Variants in KHDRBS2 observed in about 807,000 individuals in gnomAD.
The protein encoded by KHDRBS2 is KH domain-containing, RNA-binding, signal transduction-associated protein 2.
KHDRBS2 carries 26 observed loss-of-function variants against 44.3 expected under a neutral mutation model. The observed-to-expected ratio is 0.59, with a 90% CI of 0.43 to 0.81. The LOEUF (loss-of-function observed/expected upper bound fraction) is 0.81. Ranked by LOEUF, KHDRBS2 falls within the 40% of genes least tolerant of loss-of-function variation. The probability of loss-of-function intolerance (pLI) is 0.00; values close to 1 mark genes in which losing one functional copy is unlikely to be tolerated. For missense variants in KHDRBS2, 476 were observed against 433.1 expected, an observed-to-expected ratio of 1.10 and a Z score of -0.88; for synonymous variants, 194 against 151.1, an observed-to-expected ratio of 1.28 and a Z score of -2.08.
chr6:62,193,823 A>T (rs750161084), intron 1 of KHDRBS2, among the ~76,000 whole-genome samples: 1 of 152,144 alleles, frequency 6.6e-6, no homozygotes, highest in Non-Finnish European at 1.5e-5. Flanking sequence ...TTTCTTTAAT[A>T]ACCAATGAAG....
At chr6:62,141,876 A>C (rs185564388) in intron 2 of KHDRBS2, among the ~76,000 whole-genome samples, 1 of 152,094 alleles carries the variant, frequency 6.6e-6, no homozygotes, top group Non-Finnish European at 1.5e-5. Context: ...TATATCTAAA[A>C]CATATTATCT....
chr6:61,834,876 T>C (rs1456427015), intron 6 of KHDRBS2, among the ~76,000 whole-genome samples: 4 of 152,086 alleles, frequency 2.6e-5, no homozygotes, highest in South Asian at 2.1e-4. Context: ...AAATTTGGTG[T>C]CGTAAATTTC....
the KHDRBS2 span, among the ~76,000 whole-genome samples, chr6:61,624,303 G>T: frequency 6.6e-6 from 1 of 152,160 alleles, no homozygotes; most frequent in Non-Finnish European, 1.5e-5. Flanking sequence ...TGGCTCTGTG[G>T]CCACTTAACC....
chr6:61,774,526 G>A (rs1224821789), intron 6 of KHDRBS2, among the ~76,000 whole-genome samples: 1 of 151,960 alleles, frequency 6.6e-6, no homozygotes, highest in South Asian at 2.1e-4. Flanking sequence ...AGCCAAATCA[G>A]GAGTGAACTC....
intron 6 of KHDRBS2, among the ~76,000 whole-genome samples, chr6:61,874,757 C>G (rs1799172020): frequency 6.6e-6 from 1 of 152,036 alleles, no homozygotes; most frequent in African/African-American, 2.4e-5. Flanking sequence ...GGCACAATCC[C>G]CTCCTCTATA....
At chr6:61,668,786 T>C in the KHDRBS2 span, among the ~76,000 whole-genome samples, 1 of 151,046 alleles carries the variant, frequency 6.6e-6, no homozygotes, top group African/African-American at 2.4e-5. Context: ...TTCACTTTGG[T>C]ATCCTATTAC....
chr6:62,009,330 A>C (rs945385632), intron 3 of KHDRBS2, among the ~76,000 whole-genome samples: 52 of 152,334 alleles, frequency 3.4e-4, no homozygotes, highest in African/African-American at 1.2e-3. Context: ...AGAAATTTCT[A>C]ATCAGCAAAG....
At chr6:61,605,682 C>T in the KHDRBS2 span, among the ~76,000 whole-genome samples, 1 of 152,174 alleles carries the variant, frequency 6.6e-6, no homozygotes, top group Non-Finnish European at 1.5e-5. Context: ...ACTCTAGGTT[C>T]CCACACTGCC....
intron 6 of KHDRBS2, among the ~76,000 whole-genome samples, chr6:61,742,897 A>G (rs1776345062): frequency 1.3e-5 from 2 of 152,090 alleles, no homozygotes; most frequent in South Asian, 4.1e-4. Context: ...CTGCTAAACA[A>G]TTTTCCCTTA....
chr6:61,674,085 T>C, the KHDRBS2 span, among the ~76,000 whole-genome samples: 2 of 151,870 alleles, frequency 1.3e-5, no homozygotes, highest in African/African-American at 2.4e-5. Context: ...TTTTCTTAAA[T>C]GTGAAAATGG....
intron 2 of KHDRBS2, among the ~76,000 whole-genome samples, chr6:62,124,715 T>A (rs551755895): frequency 3.3e-5 from 5 of 152,144 alleles, no homozygotes; most frequent in Non-Finnish European, 7.4e-5. Flanking sequence ...AGTGCAGGTA[T>A]CTATTTTATA....
intron 2 of KHDRBS2, among the ~76,000 whole-genome samples, chr6:62,173,533 A>G (rs1820494581): frequency 6.6e-6 from 1 of 151,820 alleles, no homozygotes; most frequent in Non-Finnish European, 1.5e-5. Flanking sequence ...TCCCATTCCT[A>G]CTGAAACTAT....
chr6:61,892,420 C>G (rs1179863121), intron 6 of KHDRBS2, among the ~76,000 whole-genome samples: 1 of 152,040 alleles, frequency 6.6e-6, no homozygotes, highest in African/African-American at 2.4e-5. Context: ...TCATATGGAA[C>G]CAAAAAAGAG....
At chr6:62,196,091 T>C (rs1479404906) in intron 1 of KHDRBS2, among the ~76,000 whole-genome samples, 2 of 152,060 alleles carry the variant, frequency 1.3e-5, no homozygotes, top group African/African-American at 2.4e-5. Context: ...CAATAACTTA[T>C]AAAAAGAGTC....
intron 2 of KHDRBS2, among the ~76,000 whole-genome samples, chr6:62,171,332 T>A (rs1362209396): frequency 6.6e-6 from 1 of 151,576 alleles, no homozygotes; most frequent in Non-Finnish European, 1.5e-5. Context: ...GAGGAAAGAA[T>A]CTTAGAGCTC....
intron 2 of KHDRBS2, among the ~76,000 whole-genome samples, chr6:62,064,052 A>G (rs1792832180): frequency 7.1e-6 from 1 of 140,398 alleles, no homozygotes; most frequent in Non-Finnish European, 1.5e-5. Flanking sequence ...AGAATAAAAT[A>G]CCTAGGAATC....
chr6:62,156,831 C>T (rs1389632419), intron 2 of KHDRBS2, among the ~76,000 whole-genome samples: 1 of 120,214 alleles, frequency 8.3e-6, no homozygotes, highest in Non-Finnish European at 1.7e-5. Flanking sequence ...GCCACCACGC[C>T]CGGCTAATTT....
At chr6:61,989,372 A>G (rs1425070376) in intron 3 of KHDRBS2, among the ~76,000 whole-genome samples, 11 of 152,240 alleles carry the variant, frequency 7.2e-5, no homozygotes, top group Non-Finnish European at 1.5e-5. Flanking sequence ...CCTGTCATAA[A>G]GACACAAGAA....
chr6:61,843,078 T>A (rs1430760105), intron 6 of KHDRBS2, among the ~76,000 whole-genome samples: 2 of 151,882 alleles, frequency 1.3e-5, no homozygotes, highest in Non-Finnish European at 2.9e-5. Context: ...AGAAGCCAGA[T>A]ACAGAGCCAC....
Sources: allele counts gnomAD v4.1 joint callset (sites outside exome capture counted in the v4.1 genomes callset), GRCh38; gene constraint gnomAD v4.1.1; transcripts MANE v1.5; gene names NCBI Gene and HGNC (gene_info 2026-07-23, HGNC 2026-07-21).